The following TSPAN9 variants were observed in gnomAD, a reference collection of about 807,000 sequenced individuals.
The protein encoded by TSPAN9 is tetraspanin 9.
TSPAN9 carries 16 observed loss-of-function variants against 31.0 expected under a neutral mutation model. The observed-to-expected ratio is 0.52, with a 90% CI of 0.35 to 0.78. The LOEUF is 0.78. Ranked by LOEUF, TSPAN9 falls within the 30% of genes least tolerant of loss-of-function variation. The probability of loss-of-function intolerance (pLI) is 0.01; values close to 1 mark genes in which losing one functional copy is unlikely to be tolerated. For synonymous variants in TSPAN9, 145 were observed against 121.6 expected (o/e 1.19, Z -1.27); for missense variants, 272 against 312.5 (o/e 0.87, Z 0.98).
intron 3 of TSPAN9, among the ~76,000 whole-genome samples, chr12:3,253,638 C>G (rs934268966): frequency 2.0e-5 from 3 of 152,242 alleles, no homozygotes; most frequent in Non-Finnish European, 2.9e-5. Flanking sequence ...AGCCCAGGTC[C>G]ACTCGGGTAG....
chr12:3,169,392 T>C (rs2098350468), intron 2 of TSPAN9, among the ~76,000 whole-genome samples: 1 of 152,186 alleles, frequency 6.6e-6, no homozygotes, highest in Admixed American at 6.5e-5. Context: ...GGAGAAGCTC[T>C]GATTTCTAAT....
intron 2 of TSPAN9, among the ~76,000 whole-genome samples, chr12:3,136,068 C>G (rs570438390): frequency 3.3e-5 from 5 of 152,326 alleles, no homozygotes; most frequent in African/African-American, 1.2e-4. Context: ...ACTGAGGGCA[C>G]TGTGGTGGTG....
rs150270064 is a variant in TSPAN9, at chr12:3,170,406, C to T, written c.-17-30771C>T. Among the ~76,000 whole-genome samples, 1 of 152,322 alleles carries T rather than the reference C, an allele frequency of 6.6e-6. No homozygotes were observed. The highest frequency in any genetic ancestry group is 1.5e-5 in the Non-Finnish European group (1 of 68,042). On this transcript the variant is annotated intron_variant, in intron 2 of 8. Coordinates refer to ENST00000011898, the MANE Select transcript of TSPAN9 (RefSeq NM_006675.5). This position sits in a 1 kb window ranked among gnomAD's most constrained non-coding sequence, Gnocchi z 4.4. ...TCCAGATAGCATGTAGCATAGGATT[C>T]CACATGTAATATACATCTGTGGGAA...
chr12:3,142,375 C>T (rs1288317512), intron 2 of TSPAN9, among the ~76,000 whole-genome samples: 1 of 152,160 alleles, frequency 6.6e-6, no homozygotes, highest in African/African-American at 2.4e-5. Context: ...ACGTTGGCCC[C>T]TCTGTGTGGG....
In TSPAN9 at chr12:3,280,401, A is replaced by T; in HGVS notation, c.350A>T (p.Lys117Met). The part of the protein sequence containing the change: ...YMDKVNENAK[K>M]DLKEGLLLYH... Reference sequence around the variant, plus strand: ...TGGCAGGTGAACGAGAACGCCAAGAAGGACCTGAAGGAAGGCCTGCTGCTG... The same window carrying T: ...TGGCAGGTGAACGAGAACGCCAAGATGGACCTGAAGGAAGGCCTGCTGCTG... The change falls in exon 6 of 9, where the codon AAG becomes ATG. Residue 117 changes from lysine (K) to methionine (M), a missense_variant. Physicochemically the swap from Lys to Met is moderately conservative, Grantham distance 95 (BLOSUM62 -1). Transcript: ENST00000011898. This position sits in a 1 kb window ranked among gnomAD's most constrained non-coding sequence, Gnocchi z 4.5. The T allele has an allele frequency of 1.2e-6, 2 of 1,612,930 alleles. No individual in the cohort carries two copies. Among genetic ancestry groups the T allele is most frequent in the Non-Finnish European group, 1.7e-6 (2 of 1,179,602 alleles).
intron 3 of TSPAN9, among the ~76,000 whole-genome samples, chr12:3,277,691 C>T (rs1034777385): frequency 1.3e-5 from 2 of 152,134 alleles, no homozygotes; most frequent in African/African-American, 4.8e-5. Context: ...CCAGGTGGAG[C>T]TGGTGGCGCC....
intron 2 of TSPAN9, among the ~76,000 whole-genome samples, chr12:3,125,306 A>C (rs1190174147): frequency 6.6e-6 from 1 of 152,108 alleles, no homozygotes; most frequent in Non-Finnish European, 1.5e-5. Context: ...AGAGGATTGC[A>C]GAGTGTTTTG....
chr12:3,083,175 G>A (rs143044312), intron 1 of TSPAN9, among the ~76,000 whole-genome samples: 56 of 152,358 alleles, frequency 3.7e-4, no homozygotes, highest in Non-Finnish European at 6.9e-4. Context: ...ATGTGGTAGA[G>A]ATGAAAACAA....
intron 2 of TSPAN9, chr12:3,149,887 A>C (rs2098339000): frequency 1.3e-5 from 2 of 152,232 alleles, no homozygotes; most frequent in South Asian, 4.1e-4. Flanking sequence ...CCCTTTGAGG[A>C]GAAATCCCTT....
chr12:3,143,992 T>A lies in TSPAN9; in HGVS notation c.-17-57185T>A, dbSNP rs1779819423. On this transcript the variant is annotated intron_variant, in intron 2 of 8. Transcript: ENST00000011898. The surrounding 1 kb of genome is among the most constrained non-coding windows in gnomAD (Gnocchi z 4.2). ...AGAGAATAGAACTAAGAAATAGATA[T>A]ATGTCAACCCAGGCATGGACACATA... Among the ~76,000 whole-genome samples the A allele has an allele frequency of 6.6e-6, 1 of 152,242 alleles. No individual in the cohort carries two copies. Among genetic ancestry groups the A allele is most frequent in the Non-Finnish European group, 1.5e-5 (1 of 68,036 alleles).
chr12:3,127,607 G>A (rs2098327933), intron 2 of TSPAN9, among the ~76,000 whole-genome samples: 1 of 151,882 alleles, frequency 6.6e-6, no homozygotes, highest in Non-Finnish European at 1.5e-5. Flanking sequence ...CACCTGCCTC[G>A]GCCTCCCAAA....
chr12:3,131,765 T>C (rs548830625), intron 2 of TSPAN9, among the ~76,000 whole-genome samples: 2 of 152,344 alleles, frequency 1.3e-5, no homozygotes, highest in East Asian at 3.9e-4. Flanking sequence ...AAACATTTTT[T>C]TTCTTGTGGT....
chr12:3,219,099 C>T (rs1054621212), intron 3 of TSPAN9, among the ~76,000 whole-genome samples: 25 of 152,198 alleles, frequency 1.6e-4, no homozygotes, highest in African/African-American at 5.1e-4. Flanking sequence ...CCTTCCCACC[C>T]GTGGGCGGCC....
At chr12:3,268,139 G>GCTGCAGCCTGCCCTCCCTGTGTTC (rs1565639128) in intron 3 of TSPAN9, among the ~76,000 whole-genome samples, 1 of 138,706 alleles carries the variant, frequency 7.2e-6, no homozygotes, top group Non-Finnish European at 1.6e-5. Flanking sequence ...TTCCGTAGGT[G>GCTGCAGCCTGCCCTCCCTGTGTTC]CTGCAGCCTG....
intron 3 of TSPAN9, among the ~76,000 whole-genome samples, chr12:3,262,872 C>G (rs1591712342): frequency 1.3e-5 from 2 of 152,204 alleles, no homozygotes. Context: ...TTTCCCTCGG[C>G]AGGCAGGAAA....
At chr12:3,079,210 C>T (rs958694731) in intron 1 of TSPAN9, among the ~76,000 whole-genome samples, 24 of 152,148 alleles carry the variant, frequency 1.6e-4, no homozygotes, top group Admixed American at 3.9e-4. Context: ...AACTCCTGAC[C>T]TCAAGTGATC....
At chr12:3,167,213 T>G (rs2098348962) in intron 2 of TSPAN9, among the ~76,000 whole-genome samples, 1 of 152,230 alleles carries the variant, frequency 6.6e-6, no homozygotes, top group African/African-American at 2.4e-5. Context: ...GTGGCTGTAG[T>G]TCATTGATGA....
chr12:3,100,633 G>C lies in TSPAN9; in HGVS notation c.-18+16914G>C, dbSNP rs545187635. On this transcript the variant is annotated intron_variant, in intron 2 of 8. Coordinates refer to ENST00000011898, the MANE Select transcript of TSPAN9 (RefSeq NM_006675.5). Reference sequence around the variant, plus strand: ...AGTCCAGACCTTGTGGCTTTACCAGGGCTGTCCCCGGGAGTCCTGCATTAT... The same window carrying C: ...AGTCCAGACCTTGTGGCTTTACCAGCGCTGTCCCCGGGAGTCCTGCATTAT... 2.0e-5 allele frequency among the ~76,000 whole-genome samples: 3 copies of C among 152,270 alleles called. No homozygotes were observed. The South Asian group carries it at 6.2e-4, about 32-fold the overall frequency.
chr12:3,106,405 G>A (rs1311950618), intron 2 of TSPAN9, among the ~76,000 whole-genome samples: 1 of 152,226 alleles, frequency 6.6e-6, no homozygotes, highest in Non-Finnish European at 1.5e-5. Flanking sequence ...CAGACTGGGA[G>A]GCATTATGCC....
Sources: allele counts gnomAD v4.1 joint callset (sites outside exome capture counted in the v4.1 genomes callset), GRCh38; gene constraint gnomAD v4.1.1; non-coding constraint Gnocchi (gnomAD v3.1); transcripts MANE v1.5; gene names NCBI Gene and HGNC (gene_info 2026-07-23, HGNC 2026-07-21).